The following FNDC3B variants were observed in gnomAD, a reference collection of about 807,000 sequenced individuals.
The protein encoded by FNDC3B is fibronectin type III domain containing 3B.
In FNDC3B, 12 loss-of-function variants were observed where a neutral mutation model predicts 151.5. The ratio of observed to expected loss-of-function variants is 0.08; its 90% CI spans 0.05 to 0.13. FNDC3B has a LOEUF of 0.13. Ranked by LOEUF, FNDC3B falls within the 10% of genes least tolerant of loss-of-function variation. The pLI, the probability that FNDC3B is intolerant of heterozygous loss-of-function variation, is 1.00. For synonymous variants in FNDC3B, 528 were observed against 549.0 expected, an observed-to-expected ratio of 0.96 and a Z score of 0.54; for missense variants, 1,214 against 1,505.3, an observed-to-expected ratio of 0.81 and a Z score of 3.20.
intron 1 of FNDC3B, among the ~76,000 whole-genome samples, chr3:172,042,463 G>A (rs931420473): frequency 2.6e-5 from 4 of 152,216 alleles, no homozygotes; most frequent in Non-Finnish European, 5.9e-5. Flanking sequence ...TGAGGCCCGG[G>A]AAGGGAAAGT....
chr3:172,160,166 T>C (rs1366658718), intron 3 of FNDC3B, among the ~76,000 whole-genome samples: 1 of 152,204 alleles, frequency 6.6e-6, no homozygotes, highest in Non-Finnish European at 1.5e-5. Context: ...TATTACACAG[T>C]ACTACACACT....
chr3:172,327,678 A>T (rs1732428074), intron 11 of FNDC3B, among the ~76,000 whole-genome samples: 1 of 152,248 alleles, frequency 6.6e-6, no homozygotes, highest in African/African-American at 2.4e-5. Flanking sequence ...TGCTGGGATT[A>T]CAGGCGTGAG....
rs67891835 is a variant in FNDC3B, at chr3:172,262,894, C to CAAAAAA, written c.790+11376_790+11381dup. Among the ~76,000 whole-genome samples the CAAAAAA allele has an allele frequency of 2.3e-4, 14 of 60,606 alleles. 2 individuals are homozygous for CAAAAAA. The highest frequency in any genetic ancestry group is 5.1e-4 in the African/African-American group (8 of 15,542). The allele number at this position is 60,606 out of a possible 152,430, so 39.8% of individuals were successfully genotyped here. A position where few individuals can be genotyped will look rare whatever the true frequency, so the allele number is the denominator to read the frequency against. On this transcript the variant is annotated intron_variant, in intron 6 of 25. Coordinates refer to ENST00000415807, the MANE Select transcript of FNDC3B (RefSeq NM_022763.4). ...CCTAGATGACAGAGTGAGACCGACT[C>CAAAAAA]AAAAAAAAAAAAAAAAAAAAAAAAA... is the stretch of plus-strand genomic sequence containing the variant.
At chr3:172,261,558 G>A (rs954762097) in intron 6 of FNDC3B, among the ~76,000 whole-genome samples, 1 of 152,194 alleles carries the variant, frequency 6.6e-6, no homozygotes, top group African/African-American at 2.4e-5. Flanking sequence ...CAGACACACA[G>A]TGTAGCAGAC....
chr3:172,115,984 A>G (rs1045996982), intron 2 of FNDC3B, among the ~76,000 whole-genome samples: 1 of 152,144 alleles, frequency 6.6e-6, no homozygotes, highest in Admixed American at 6.5e-5. Flanking sequence ...TGTAATTAGG[A>G]CTAGTTCTTG....
intron 3 of FNDC3B, among the ~76,000 whole-genome samples, chr3:172,197,012 C>T (rs1345718961): frequency 6.6e-6 from 1 of 151,948 alleles, no homozygotes; most frequent in East Asian, 1.9e-4. Flanking sequence ...GAAACCCTGT[C>T]TTTACTAAAA....
At chr3:172,042,945 C>T (rs1716164416) in intron 1 of FNDC3B, among the ~76,000 whole-genome samples, 1 of 151,824 alleles carries the variant, frequency 6.6e-6, no homozygotes, top group Admixed American at 6.6e-5. Flanking sequence ...GATGGATTCT[C>T]GCTCTGTAGC....
At chr3:172,363,349 T>G (rs1355035356) in intron 23 of FNDC3B, among the ~76,000 whole-genome samples, 2 of 152,194 alleles carry the variant, frequency 1.3e-5, no homozygotes, top group East Asian at 3.8e-4. Context: ...AGGAGATTCT[T>G]CATAAAACTC....
At chr3:172,063,843 T>C (rs921204159) in intron 1 of FNDC3B, among the ~76,000 whole-genome samples, 1 of 152,132 alleles carries the variant, frequency 6.6e-6, no homozygotes, top group Non-Finnish European at 1.5e-5. Context: ...GGTCTGAATG[T>C]TTGTGTCTCT....
chr3:172,197,804 C>A (rs975279855), intron 3 of FNDC3B, among the ~76,000 whole-genome samples: 6 of 152,216 alleles, frequency 3.9e-5, no homozygotes, highest in African/African-American at 1.4e-4. Context: ...TCATTGCATT[C>A]TTTCAGGTGG....
intron 1 of FNDC3B, among the ~76,000 whole-genome samples, chr3:172,080,805 C>A (rs1256056402): frequency 1.3e-5 from 2 of 152,198 alleles, no homozygotes; most frequent in Non-Finnish European, 2.9e-5. Flanking sequence ...GTTAAGGGCA[C>A]CTCATGTGTT....
intron 1 of FNDC3B, among the ~76,000 whole-genome samples, chr3:172,078,083 C>A (rs1032040045): frequency 6.6e-6 from 1 of 152,106 alleles, no homozygotes; most frequent in African/African-American, 2.4e-5. Flanking sequence ...TGGGATCAAG[C>A]GATTCTCCCG....
At chr3:172,389,395 A>G (rs1365966126) in intron 25 of FNDC3B, among the ~76,000 whole-genome samples, 1 of 151,722 alleles carries the variant, frequency 6.6e-6, no homozygotes, top group Non-Finnish European at 1.5e-5. Flanking sequence ...TTTTAAGGAC[A>G]TTATAGTCAG....
At chr3:172,125,286 G>A (rs756357327) in intron 2 of FNDC3B, among the ~76,000 whole-genome samples, 3 of 152,170 alleles carry the variant, frequency 2.0e-5, no homozygotes, top group Non-Finnish European at 4.4e-5. Flanking sequence ...GGTCAGGCTT[G>A]TGTTTGCAAA....
chr3:172,237,988 C>G (rs1727254744), intron 4 of FNDC3B, among the ~76,000 whole-genome samples: 1 of 152,090 alleles, frequency 6.6e-6, no homozygotes, highest in Admixed American at 6.5e-5. Context: ...GGTCCGAAAC[C>G]TAGAATGATA....
chr3:172,302,564 C>A (rs958175682), intron 9 of FNDC3B: 2 of 152,192 alleles, frequency 1.3e-5, no homozygotes, highest in African/African-American at 4.8e-5. Flanking sequence ...CACGTCTGTT[C>A]AGTCACTATT....
chr3:172,160,619 C>T (rs760658809), intron 3 of FNDC3B, among the ~76,000 whole-genome samples: 1 of 152,184 alleles, frequency 6.6e-6, no homozygotes, highest in Non-Finnish European at 1.5e-5. Context: ...TCAGTTTGGG[C>T]TAGGGGGCCA....
At chr3:172,084,923 A>G (rs1309140727) in intron 1 of FNDC3B, among the ~76,000 whole-genome samples, 1 of 152,218 alleles carries the variant, frequency 6.6e-6, no homozygotes, top group Non-Finnish European at 1.5e-5. Flanking sequence ...AATGAGAACA[A>G]GAATTTTTGC....
intron 9 of FNDC3B, among the ~76,000 whole-genome samples, chr3:172,305,946 G>C (rs566979281): frequency 5.3e-5 from 8 of 152,302 alleles, no homozygotes; most frequent in Admixed American, 4.6e-4. Context: ...ATCAGGGGTT[G>C]GGTGGAGAGC....
Sources: allele counts gnomAD v4.1 joint callset (sites outside exome capture counted in the v4.1 genomes callset), GRCh38; gene constraint gnomAD v4.1.1; transcripts MANE v1.5; gene names NCBI Gene and HGNC (gene_info 2026-07-23, HGNC 2026-07-21).